Variants in ARHGAP10 observed in about 807,000 individuals in gnomAD.
ARHGAP10 encodes the protein rho GTPase-activating protein 10.
Under a neutral mutation model 108.6 loss-of-function variants are expected in ARHGAP10, and 87 were observed. The ratio of observed to expected loss-of-function variants is 0.80; its 90% CI spans 0.67 to 0.96. ARHGAP10 has a LOEUF of 0.96. ARHGAP10 is among the 40% of genes least tolerant of loss of function. ARHGAP10 has a pLI of 0.00. For synonymous variants in ARHGAP10, 347 were observed against 341.1 expected, an observed-to-expected ratio of 1.02 and a Z score of -0.19; for missense variants, 939 against 954.5, an observed-to-expected ratio of 0.98 and a Z score of 0.21.
chr4:147,740,443 G>T (rs1397566950), intron 1 of ARHGAP10, among the ~76,000 whole-genome samples: 1 of 152,150 alleles, frequency 6.6e-6, no homozygotes, highest in African/African-American at 2.4e-5. Context: ...TTCTGCTAGG[G>T]AAGTGATAAT....
chr4:147,875,261 T>G (rs1560803961), intron 8 of ARHGAP10, 111 bp downstream of exon 8: 2 of 1,214,044 alleles, frequency 1.6e-6, no homozygotes, highest in Non-Finnish European at 2.2e-6. Context: ...CCTACCTCTT[T>G]CTCTCCCTGC....
chr4:148,010,201 A>G (rs1265402977), intron 18 of ARHGAP10, among the ~76,000 whole-genome samples: 1 of 152,166 alleles, frequency 6.6e-6, no homozygotes, highest in African/African-American at 2.4e-5. Flanking sequence ...ACCTGTGTTA[A>G]TAACATGATG....
intron 8 of ARHGAP10, among the ~76,000 whole-genome samples, chr4:147,877,640 G>A (rs1735126993): frequency 6.6e-6 from 1 of 152,026 alleles, no homozygotes. Flanking sequence ...GTTATGGTTG[G>A]ACTTTTATTG....
At chr4:147,995,396 A>T (rs1195651872) in intron 18 of ARHGAP10, among the ~76,000 whole-genome samples, 1 of 152,216 alleles carries the variant, frequency 6.6e-6, no homozygotes, top group Non-Finnish European at 1.5e-5. Flanking sequence ...GGGTGATATT[A>T]AAATACTGTA....
chr4:148,032,316 A>T (rs530027288), intron 19 of ARHGAP10, among the ~76,000 whole-genome samples: 18 of 96,562 alleles, frequency 1.9e-4, no homozygotes, highest in African/African-American at 7.1e-4. Flanking sequence ...TAATATTGGC[A>T]ATTTCAACTG....
intron 1 of ARHGAP10, among the ~76,000 whole-genome samples, chr4:147,776,898 C>G (rs1216749093): frequency 6.6e-6 from 1 of 152,170 alleles, no homozygotes; most frequent in East Asian, 1.9e-4. Flanking sequence ...GACGATAGTA[C>G]TATGGTAAAA....
intron 10 of ARHGAP10, among the ~76,000 whole-genome samples, chr4:147,905,447 A>G (rs1207872961): frequency 1.5e-5 from 2 of 136,070 alleles, no homozygotes; most frequent in African/African-American, 5.6e-5. Context: ...AGCTTTCTAC[A>G]TATGGCCAGC....
chr4:147,882,521 A>C (rs1334526589), intron 10 of ARHGAP10, among the ~76,000 whole-genome samples: 1 of 151,882 alleles, frequency 6.6e-6, no homozygotes, highest in Non-Finnish European at 1.5e-5. Flanking sequence ...AATTTGTAGC[A>C]TGAAGAGAAC....
chr4:147,822,878 A>C lies in ARHGAP10; in HGVS notation c.251-18A>C. 1 of 1,613,616 alleles carries C rather than the reference A, an allele frequency of 6.2e-7. No homozygotes were observed. Among genetic ancestry groups the C allele is most frequent in the Non-Finnish European group, 8.5e-7 (1 of 1,179,742 alleles). The stretch of plus-strand genomic sequence containing the variant: ...CCTTTGCCATGGCCACCAAATAATC[A>C]CTCCTTTCTTCTTACAGATGCTTCC... On this transcript the variant is annotated intron_variant, in intron 2 of 22. Coordinates refer to ENST00000336498, the MANE Select transcript of ARHGAP10 (RefSeq NM_024605.4).
rs766356868 is a variant in ARHGAP10 at position 147,913,093 on chromosome 4, G to A, written c.1182G>A (p.Met394Ile). 1 of 1,613,592 alleles carries A rather than the reference G, an allele frequency of 6.2e-7. No individual in the cohort carries two copies. The highest frequency in any genetic ancestry group is 1.3e-5 in the African/African-American group (1 of 74,916). The change falls in exon 13 of 23, where the codon ATG becomes ATA. Residue 394 changes from methionine (M) to isoleucine (I), a missense_variant. Coordinates refer to ENST00000336498, the MANE Select transcript of ARHGAP10 (RefSeq NM_024605.4). ...TTGTAGATGCACAGTTGGATAAGAT[G>A]GGGTTCACAATTATCAGAAAATGCA... is the stretch of plus-strand genomic sequence containing the variant. ...RPEGNAQLDKMGFTIIRKCIS... is the reference protein window; with the variant it reads ...RPEGNAQLDKIGFTIIRKCIS...
At chr4:147,950,375 G>A (rs1169500744) in intron 15 of ARHGAP10, among the ~76,000 whole-genome samples, 1 of 152,186 alleles carries the variant, frequency 6.6e-6, no homozygotes, top group African/African-American at 2.4e-5. Context: ...TGCATGAGAG[G>A]TAATACAGTG....
chr4:147,908,229 A>C (rs977754002), intron 11 of ARHGAP10, among the ~76,000 whole-genome samples: 2 of 152,218 alleles, frequency 1.3e-5, no homozygotes, highest in Non-Finnish European at 2.9e-5. Flanking sequence ...CTGAGACTCC[A>C]AAACAGGTTA....
intron 15 of ARHGAP10, among the ~76,000 whole-genome samples, chr4:147,952,196 G>T (rs1259971140): frequency 1.3e-5 from 2 of 152,284 alleles, no homozygotes; most frequent in East Asian, 1.9e-4. Context: ...ACTTTCGGCT[G>T]TTGCACATAA....
At chr4:147,964,796 C>T (rs1739142419) in intron 16 of ARHGAP10, among the ~76,000 whole-genome samples, 1 of 152,164 alleles carries the variant, frequency 6.6e-6, no homozygotes, top group Non-Finnish European at 1.5e-5. Flanking sequence ...ATTGCAGCCA[C>T]ACTGAAATTA....
intron 18 of ARHGAP10, among the ~76,000 whole-genome samples, chr4:148,006,401 T>C (rs964305357): frequency 1.3e-5 from 2 of 152,226 alleles, no homozygotes; most frequent in African/African-American, 4.8e-5. Flanking sequence ...ATATGACCCT[T>C]GTCAGCCTGT....
At chr4:147,903,636 C>A (rs892689240) in intron 10 of ARHGAP10, among the ~76,000 whole-genome samples, 1 of 152,206 alleles carries the variant, frequency 6.6e-6, no homozygotes, top group Admixed American at 6.5e-5. Context: ...CAGTCCCTGG[C>A]AACCAGTGAT....
At chr4:147,853,678 G>A (rs890114600) in intron 4 of ARHGAP10, among the ~76,000 whole-genome samples, 4 of 151,930 alleles carry the variant, frequency 2.6e-5, no homozygotes, top group Admixed American at 6.6e-5. Flanking sequence ...GTTTCCCTAC[G>A]TTCTTACATA....
intron 18 of ARHGAP10, among the ~76,000 whole-genome samples, chr4:147,970,742 G>A (rs73853992): frequency 0.047 from 7,215 of 152,158 alleles, 540 homozygotes; most frequent in African/African-American, 0.16. Context: ...TTATAAATCT[G>A]TGTATACTTT....
chr4:147,836,268 A>G (rs540304747), intron 3 of ARHGAP10, among the ~76,000 whole-genome samples: 3 of 152,244 alleles, frequency 2.0e-5, no homozygotes, highest in African/African-American at 7.2e-5. Flanking sequence ...GAGCCAGGTC[A>G]TAGGCAGATA....
Sources: allele counts gnomAD v4.1 joint callset (sites outside exome capture counted in the v4.1 genomes callset), GRCh38; gene constraint gnomAD v4.1.1; transcripts MANE v1.5; gene names NCBI Gene and HGNC (gene_info 2026-07-23, HGNC 2026-07-21).